Variants in KLHL5 observed in about 807,000 individuals in gnomAD.
KLHL5 encodes kelch like family member 5.
KLHL5 carries 48 observed loss-of-function variants against 77.7 expected under a neutral mutation model. The ratio of observed to expected loss-of-function variants is 0.62; its 90% CI spans 0.49 to 0.79. KLHL5 has a LOEUF of 0.79. Among genes scored for constraint, KLHL5 ranks in the 30% least tolerant of loss-of-function variants. The probability of loss-of-function intolerance (pLI) is 0.00; values close to 1 mark genes in which losing one functional copy is unlikely to be tolerated. For synonymous variants in KLHL5, 260 were observed against 297.0 expected (o/e 0.88, Z 1.28); for missense variants, 723 against 859.7 (o/e 0.84, Z 1.99).
chr4:39,110,137 GT>G (rs1255663251), intron 8 of KLHL5, among the ~76,000 whole-genome samples: 1 of 152,120 alleles, frequency 6.6e-6, no homozygotes, highest in Non-Finnish European at 1.5e-5. Context: ...GGAAGTTCAA[GT>G]TTATTTTAAA....
chr4:39,046,063 A>C (rs902709561), intron 1 of KLHL5, among the ~76,000 whole-genome samples: 1 of 149,208 alleles, frequency 6.7e-6, no homozygotes, highest in Non-Finnish European at 1.5e-5. Context: ...GGTTTTCAGC[A>C]TTTACAGATT....
chr4:39,102,363 G>T (rs189532989), intron 6 of KLHL5, among the ~76,000 whole-genome samples: 25 of 145,722 alleles, frequency 1.7e-4, no homozygotes, highest in African/African-American at 6.4e-4. Context: ...GAACAAAGGA[G>T]TCCTGGAATC....
chr4:39,062,183 T>C, upstream of KLHL5: 1 of 918,292 alleles, frequency 1.1e-6, no homozygotes, highest in Non-Finnish European at 1.3e-6. Context: ...AATACATTTA[T>C]TGTTTCAGCA....
intron 6 of KLHL5, among the ~76,000 whole-genome samples, chr4:39,102,340 T>G (rs1721647054): frequency 6.7e-6 from 1 of 150,022 alleles, no homozygotes; most frequent in African/African-American, 2.5e-5. Flanking sequence ...CTGCTCATCT[T>G]AACTCATAAA....
At chr4:39,089,816 T>C (rs1384468796) in intron 5 of KLHL5, among the ~76,000 whole-genome samples, 2 of 152,212 alleles carry the variant, frequency 1.3e-5, no homozygotes, top group East Asian at 3.9e-4. Context: ...AATGGTGTTT[T>C]AATAAGTCTT....
At chr4:39,073,918 G>A (rs907037030) in intron 1 of KLHL5, among the ~76,000 whole-genome samples, 10 of 151,174 alleles carry the variant, frequency 6.6e-5, no homozygotes, top group African/African-American at 1.9e-4. Context: ...TACCCTCCTC[G>A]GCCTCCCGAA....
intron 10 of KLHL5, among the ~76,000 whole-genome samples, chr4:39,118,713 G>A (rs776884883): frequency 1.3e-5 from 2 of 151,884 alleles, no homozygotes; most frequent in East Asian, 1.9e-4. Context: ...CCAAGATCAC[G>A]CCATTGCACT....
intron 1 of KLHL5, among the ~76,000 whole-genome samples, chr4:39,069,526 CT>C (rs1281245448): frequency 7.9e-6 from 1 of 127,308 alleles, no homozygotes; most frequent in South Asian, 2.5e-4. Flanking sequence ...TATTTTTATA[CT>C]TTTTTACCAT....
downstream of KLHL5, among the ~76,000 whole-genome samples, chr4:39,127,941 T>C (rs528731730): frequency 7.2e-4 from 109 of 152,306 alleles, no homozygotes; most frequent in Non-Finnish European, 1.3e-3. Flanking sequence ...ACCTACCTAT[T>C]GTCTGATTCT....
the KLHL5 span, among the ~76,000 whole-genome samples, chr4:39,133,699 T>G: frequency 0.53 from 80,095 of 151,730 alleles, 21,697 homozygotes; most frequent in Non-Finnish European, 0.59. Flanking sequence ...CCCAATATAA[T>G]ATTATACCTC....
In KLHL5 at chr4:39,124,797, A is replaced by G. The variant is rs957873001; in HGVS notation, c.*3731A>G. ...ATATGGCACCAAAAGCACAAGCAAC[A>G]ACAGCAAAAAAAAAAAAAAAAAAAA... On this transcript the variant is annotated 3_prime_UTR_variant, in exon 11 of 11. Transcript: ENST00000504108. Among the ~76,000 whole-genome samples, 4 of 124,496 alleles carry G rather than the reference A, an allele frequency of 3.2e-5. No homozygotes were observed. The highest frequency in any genetic ancestry group is 7.1e-5 in the Non-Finnish European group (4 of 56,002). 81.7% of individuals were successfully genotyped at this position (124,496 alleles called of 152,430 possible). A position where few individuals can be genotyped will look rare whatever the true frequency, so the allele number is the denominator to read the frequency against.
chr4:39,139,270 G>C, the KLHL5 span, among the ~76,000 whole-genome samples: 2 of 127,866 alleles, frequency 1.6e-5, no homozygotes, highest in African/African-American at 3.0e-5. Flanking sequence ...CATCAAGAAT[G>C]AAACTCCATC....
At position 39,081,306 on chromosome 4, in the gene KLHL5, C is replaced by T; in HGVS notation, c.703+67C>T. On this transcript the variant is annotated intron_variant, in intron 3 of 10. Transcript: ENST00000504108. The surrounding 1 kb of genome is among the most constrained non-coding windows in gnomAD (Gnocchi z 4.3). ...TGTTGTATTATTAGATTTCAGATTT[C>T]TGTTTTTAGAAAGCATGCCATAGCT... The T allele has an allele frequency of 4.3e-6, 6 of 1,388,144 alleles. No homozygotes were observed. The highest frequency in any genetic ancestry group is 5.8e-6 in the Non-Finnish European group (6 of 1,032,002). The allele number at this position is 1,388,144 out of a possible 1,614,324, so 86.0% of individuals were successfully genotyped here.
chr4:39,138,908 A>C, the KLHL5 span, among the ~76,000 whole-genome samples: 2 of 152,208 alleles, frequency 1.3e-5, no homozygotes, highest in Non-Finnish European at 2.9e-5. Flanking sequence ...GCTCCCCCCA[A>C]ATATTTATTT....
chr4:39,095,958 C>T (rs1721028352), intron 5 of KLHL5, among the ~76,000 whole-genome samples: 1 of 151,770 alleles, frequency 6.6e-6, no homozygotes, highest in African/African-American at 2.4e-5. Flanking sequence ...AGGCTGCACA[C>T]CAGGTTGTTT....
chr4:39,054,486 A>AT (rs921094995), intron 1 of KLHL5, among the ~76,000 whole-genome samples: 2 of 152,202 alleles, frequency 1.3e-5, no homozygotes, highest in Non-Finnish European at 2.9e-5. Context: ...TATTGTGCTC[A>AT]TTTGGGCACT....
chr4:39,106,117 A>G (rs1722018430), intron 7 of KLHL5, among the ~76,000 whole-genome samples: 1 of 152,074 alleles, frequency 6.6e-6, no homozygotes, highest in Non-Finnish European at 1.5e-5. Context: ...GTCCTGCATG[A>G]TCTGGCTCCA....
Position 39,124,491 on chromosome 4 carries a change from A to G in KLHL5, c.*3425A>G, listed in dbSNP as rs1723405753. 6.6e-6 allele frequency among the ~76,000 whole-genome samples: 1 copy of G among 152,162 alleles called. No homozygotes were observed. The highest frequency in any genetic ancestry group is 2.1e-4 in the South Asian group (1 of 4,828). ...TATAAAGCAATAGAGTAGAATGGAA[A>G]GTCCAGAAACAAATTACGCCAATAC... On this transcript the variant is annotated 3_prime_UTR_variant, in exon 11 of 11. Coordinates refer to ENST00000504108, the MANE Select transcript of KLHL5 (RefSeq NM_015990.5).
chr4:39,079,622 G>A (rs1451012698), intron 2 of KLHL5, among the ~76,000 whole-genome samples: 1 of 152,020 alleles, frequency 6.6e-6, no homozygotes, highest in Non-Finnish European at 1.5e-5. Context: ...TTCCCCATTT[G>A]CCTTTGCCCA....
Sources: allele counts gnomAD v4.1 joint callset (sites outside exome capture counted in the v4.1 genomes callset), GRCh38; gene constraint gnomAD v4.1.1; non-coding constraint Gnocchi (gnomAD v3.1); transcripts MANE v1.5; gene names NCBI Gene and HGNC (gene_info 2026-07-23, HGNC 2026-07-21).